The following MAP1B variants were observed in gnomAD, a reference collection of about 807,000 sequenced individuals.
MAP1B encodes the protein microtubule associated protein 1B, also known as microtubule-associated protein 1B.
A neutral mutation model predicts 176.1 loss-of-function variants in MAP1B; 12 were observed. The ratio of observed to expected loss-of-function variants is 0.07; its 90% CI spans 0.04 to 0.11. MAP1B has a LOEUF of 0.11. Ranked by LOEUF, MAP1B falls within the 10% of genes least tolerant of loss-of-function variation. The probability of loss-of-function intolerance (pLI) is 1.00; values close to 1 mark genes in which losing one functional copy is unlikely to be tolerated. For missense variants in MAP1B, 2,523 were observed against 2,990.5 expected (o/e 0.84, Z 3.65); for synonymous variants, 1,044 against 1,135.0 (o/e 0.92, Z 1.61).
chr5:72,164,279 G>T (rs1029145768), intron 2 of MAP1B, among the ~76,000 whole-genome samples: 1 of 152,080 alleles, frequency 6.6e-6, no homozygotes, highest in East Asian at 1.9e-4. Flanking sequence ...CAGAGACCTG[G>T]TTCCCAGGGT....
At chr5:72,161,263 C>A (rs1051378041) in intron 2 of MAP1B, among the ~76,000 whole-genome samples, 3 of 152,186 alleles carry the variant, frequency 2.0e-5, no homozygotes, top group African/African-American at 7.2e-5. Context: ...CTTAATCTCT[C>A]TATACCCTGG....
chr5:72,108,840 C>T (rs1458051612), intron 1 of MAP1B, among the ~76,000 whole-genome samples: 1 of 152,188 alleles, frequency 6.6e-6, no homozygotes, highest in African/African-American at 2.4e-5. Context: ...CTCTGCCTTT[C>T]CCTTTATCCC....
At chr5:72,118,423 C>T (rs1745469542) in intron 2 of MAP1B, among the ~76,000 whole-genome samples, 1 of 152,106 alleles carries the variant, frequency 6.6e-6, no homozygotes, top group South Asian at 2.1e-4. Flanking sequence ...AAAATAGCAC[C>T]TACAATATAC....
At chr5:72,176,608 G>A (rs778734044) in intron 2 of MAP1B, among the ~76,000 whole-genome samples, 23 of 152,200 alleles carry the variant, frequency 1.5e-4, no homozygotes, top group Admixed American at 7.2e-4. Context: ...GCTGTGTTCT[G>A]GTGATGGACT....
At position 72,195,146 on chromosome 5, in the gene MAP1B, G is replaced by C. The variant is rs1008596997; in HGVS notation, c.1791G>C (p.Glu597Asp). 2 of 1,613,364 alleles carry C rather than the reference G, an allele frequency of 1.2e-6. No individual in the cohort carries two copies. Among genetic ancestry groups the C allele is most frequent in the African/African-American group, 2.7e-5 (2 of 74,798 alleles). ...MVKKDKPIKTETKPSVTEKEV... is the reference protein window; with the variant it reads ...MVKKDKPIKTDTKPSVTEKEV... ...AAAAAGACAAGCCAATAAAAACAGA[G>C]ACCAAACCTTCAGTGACTGAAAAGG... Residue 597 changes from glutamate (E) to aspartate (D), a missense_variant, in exon 5 of 7, where the codon GAG becomes GAC. Transcript: ENST00000296755.
At chr5:72,111,693 C>T (rs950633402) in intron 1 of MAP1B, among the ~76,000 whole-genome samples, 2 of 152,178 alleles carry the variant, frequency 1.3e-5, no homozygotes, top group African/African-American at 4.8e-5. Context: ...TACGACAGCT[C>T]TGTGATCCAT....
intron 3 of MAP1B, 36 bp downstream of exon 3, chr5:72,183,861 CCCA>C: frequency 6.3e-7 from 1 of 1,579,214 alleles, no homozygotes. Flanking sequence ...GGGGCCGGGC[CCCA>C]CACACTGGAT....
At chr5:72,111,484 C>T (rs1490234449) in intron 1 of MAP1B, among the ~76,000 whole-genome samples, 1 of 152,142 alleles carries the variant, frequency 6.6e-6, no homozygotes, top group East Asian at 1.9e-4. Flanking sequence ...GTCCTTCAGT[C>T]TAAGATGGTA....
chr5:72,176,269 C>G (rs975876314), intron 2 of MAP1B, among the ~76,000 whole-genome samples: 3 of 152,224 alleles, frequency 2.0e-5, no homozygotes, highest in Non-Finnish European at 2.9e-5. Context: ...GCAGCCAACC[C>G]TGGCTGCACA....
At chr5:72,145,469 A>G (rs1746028154) in intron 2 of MAP1B, among the ~76,000 whole-genome samples, 1 of 152,166 alleles carries the variant, frequency 6.6e-6, no homozygotes, top group South Asian at 2.1e-4. Context: ...GTGGTCTTAA[A>G]AGCTTGCTGT....
intron 1 of MAP1B, among the ~76,000 whole-genome samples, chr5:72,114,083 T>C (rs1174392912): frequency 1.3e-5 from 2 of 152,238 alleles, no homozygotes; most frequent in African/African-American, 4.8e-5. Context: ...ATTCTTCCCA[T>C]TGATCATATG....
Position 72,207,962 on chromosome 5 carries a change from C to A in MAP1B, c.*2723C>A. 1.7e-5 allele frequency: 2 copies of A among 116,008 alleles called. No homozygotes were observed. Among genetic ancestry groups the A allele is most frequent in the Non-Finnish European group, 1.7e-5 (1 of 58,398 alleles). 7.2% of individuals were successfully genotyped at this position (116,008 alleles called of 1,614,324 possible). On this transcript the variant is annotated 3_prime_UTR_variant, in exon 7 of 7. Coordinates refer to ENST00000296755, the MANE Select transcript of MAP1B (RefSeq NM_005909.5). ...CTCCTCACTTTCTCTCTCTCTCTCT[C>A]TTTTTTTTTTTTTTTTTTTTTGCTA...
rs1747114697 is a variant in MAP1B at position 72,194,969 on chromosome 5, G to A, written c.1614G>A (p.Arg538=). 6.2e-7 allele frequency: 1 copy of A among 1,613,990 alleles called. No homozygotes were observed. The highest frequency in any genetic ancestry group is 2.2e-5 in the East Asian group (1 of 44,878). ...TGAAACAAACAAAACTGAAACAGAG[G>A]GCTGATAGCCGAGAAAGTCTGAAGC... ...PVVKQTKLKQ[R]ADSRESLKPA... The change falls in exon 5 of 7, where the codon AGG becomes AGA. Residue 538 remains arginine (R), a synonymous_variant. Transcript: ENST00000296755. The surrounding 1 kb of genome is among the most constrained non-coding windows in gnomAD (Gnocchi z 7.2).
intron 2 of MAP1B, among the ~76,000 whole-genome samples, chr5:72,125,167 T>G (rs1745604325): frequency 6.6e-6 from 1 of 152,216 alleles, no homozygotes; most frequent in African/African-American, 2.4e-5. Context: ...AACCGCTTTT[T>G]TATCTAGAAT....
At chr5:72,165,307 C>T (rs1339919663) in intron 2 of MAP1B, among the ~76,000 whole-genome samples, 1 of 152,178 alleles carries the variant, frequency 6.6e-6, no homozygotes, top group South Asian at 2.1e-4. Flanking sequence ...TGACCACTAT[C>T]TCCAGGACCT....
intron 2 of MAP1B, among the ~76,000 whole-genome samples, chr5:72,156,047 G>A (rs751536298): frequency 6.6e-6 from 1 of 152,148 alleles, no homozygotes; most frequent in Admixed American, 6.5e-5. Context: ...GATTACAGGT[G>A]TGAGCCACTG....
chr5:72,173,930 C>T (rs1163642359), intron 2 of MAP1B, among the ~76,000 whole-genome samples: 1 of 152,132 alleles, frequency 6.6e-6, no homozygotes, highest in Non-Finnish European at 1.5e-5. Context: ...TAGTTCGAGA[C>T]CAGCCTGGGC....
At chr5:72,158,938 C>T (rs763749291) in intron 2 of MAP1B, among the ~76,000 whole-genome samples, 14 of 152,130 alleles carry the variant, frequency 9.2e-5, no homozygotes, top group Non-Finnish European at 1.8e-4. Context: ...ATAGCAACAC[C>T]CATTTCTTGA....
chr5:72,111,911 C>T (rs578240638), intron 1 of MAP1B, among the ~76,000 whole-genome samples: 3 of 151,972 alleles, frequency 2.0e-5, no homozygotes, highest in South Asian at 2.1e-4. Flanking sequence ...AAGATATTAT[C>T]GTCATTACAT....
Sources: allele counts gnomAD v4.1 joint callset (sites outside exome capture counted in the v4.1 genomes callset), GRCh38; gene constraint gnomAD v4.1.1; non-coding constraint Gnocchi (gnomAD v3.1); transcripts MANE v1.5; gene names NCBI Gene and HGNC (gene_info 2026-07-23, HGNC 2026-07-21).